ARFGEF3: variants seen among roughly 807,000 people sequenced by gnomAD.
ARFGEF3 encodes ARFGEF family member 3, also known as brefeldin A-inhibited guanine nucleotide-exchange protein 3.
ARFGEF3 carries 96 observed loss-of-function variants against 221.7 expected under a neutral mutation model. That is an observed-to-expected ratio of 0.43 (90% CI 0.37 to 0.51). The LOEUF (loss-of-function observed/expected upper bound fraction) is 0.51. ARFGEF3 is among the 20% of genes least tolerant of loss of function. ARFGEF3 has a pLI of 0.00. For synonymous variants in ARFGEF3, 1,145 were observed against 1,126.8 expected, an observed-to-expected ratio of 1.02 and a Z score of -0.32; for missense variants, 2,410 against 2,789.9, an observed-to-expected ratio of 0.86 and a Z score of 3.07.
In ARFGEF3 at chr6:138,162,231, C is replaced by A; in HGVS notation, c.85+60C>A. On this transcript the variant is annotated intron_variant, in intron 1 of 33. Transcript: ENST00000251691. This position sits in a 1 kb window ranked among gnomAD's most constrained non-coding sequence, Gnocchi z 4.7. ...GGCCGCGCGGCCGGGGCTGAACCCG[C>A]GCCTCCGCGCGTGGGGCTTTCGCGG... 4.6e-6 allele frequency: 6 copies of A among 1,295,528 alleles called. No homozygotes were observed. Among genetic ancestry groups the A allele is most frequent in the Non-Finnish European group, 6.4e-6 (6 of 931,684 alleles). The allele number at this position is 1,295,528 out of a possible 1,614,324, so 80.3% of individuals were successfully genotyped here. A position where few individuals can be genotyped will look rare whatever the true frequency, so the allele number is the denominator to read the frequency against.
At chr6:138,330,725 A>G (rs957970233) in intron 32 of ARFGEF3, among the ~76,000 whole-genome samples, 8 of 152,068 alleles carry the variant, frequency 5.3e-5, no homozygotes, top group Admixed American at 4.6e-4. Context: ...GATTAATATA[A>G]CAATCAATCA....
At chr6:138,260,677 A>T (rs922467335) in intron 10 of ARFGEF3, among the ~76,000 whole-genome samples, 5 of 152,214 alleles carry the variant, frequency 3.3e-5, no homozygotes, top group African/African-American at 1.2e-4. Flanking sequence ...TAAAAGAAGA[A>T]AGTAATTATG....
intron 19 of ARFGEF3, among the ~76,000 whole-genome samples, chr6:138,293,523 G>T (rs973603110): frequency 1.3e-5 from 2 of 152,194 alleles, no homozygotes; most frequent in Non-Finnish European, 2.9e-5. Context: ...CGCCCTGGAG[G>T]GGGGCTTACA....
At chr6:138,326,472 GAC>G (rs921035774) in intron 31 of ARFGEF3, among the ~76,000 whole-genome samples, 1 of 152,100 alleles carries the variant, frequency 6.6e-6, no homozygotes, top group African/African-American at 2.4e-5. Flanking sequence ...GACTTGAACA[GAC>G]ACTTCTCAAA....
At chr6:138,331,302 T>C (rs6909938) in intron 32 of ARFGEF3, among the ~76,000 whole-genome samples, 25,098 of 152,236 alleles carry the variant, frequency 0.16, 3,795 homozygotes, top group African/African-American at 0.41. Context: ...GCCCACTGAG[T>C]CAAAGACATT....
intron 8 of ARFGEF3, among the ~76,000 whole-genome samples, chr6:138,247,744 T>G (rs1362224205): frequency 1.3e-5 from 2 of 152,250 alleles, no homozygotes; most frequent in Non-Finnish European, 2.9e-5. Flanking sequence ...TTTCTTATGA[T>G]AATTACTATA....
chr6:138,221,287 C>T (rs1777979063), intron 4 of ARFGEF3, among the ~76,000 whole-genome samples: 1 of 152,108 alleles, frequency 6.6e-6, no homozygotes, highest in Admixed American at 6.5e-5. Context: ...TCACTCCACA[C>T]CTCATATTTA....
At chr6:138,297,066 A>G in intron 21 of ARFGEF3, 111 bp downstream of exon 21, 1 of 1,247,018 alleles carries the variant, frequency 8.0e-7, no homozygotes. Flanking sequence ...GCCATTGGGC[A>G]GTGGGAACTT....
rs373272536 is a variant in ARFGEF3, at chr6:138,334,279, G to A, written c.5433G>A (p.Ala1811=). The change falls in exon 33 of 34, where the codon GCG becomes GCA. Residue 1811 remains alanine (A), a synonymous_variant. Coordinates refer to ENST00000251691, the MANE Select transcript of ARFGEF3 (RefSeq NM_020340.5). The surrounding 1 kb of genome is among the most constrained non-coding windows in gnomAD (Gnocchi z 5.1). ...CCGCCAACCTCTACCGCCAGTCTGC[G>A]ATGAGCTTTAACATTTATTTCCACG... ...GGAANLYRQS[A]MSFNIYFHAL... The A allele has an allele frequency of 7.7e-5, 125 of 1,613,770 alleles. No homozygotes were observed. In the African/African-American group the frequency reaches 8.8e-4, roughly 11 times the overall value.
In ARFGEF3 at chr6:138,205,183, G is replaced by A. The variant is rs139443563; in HGVS notation, c.138-1859G>A. Among the ~76,000 whole-genome samples, 61 of 152,308 alleles carry A rather than the reference G, an allele frequency of 4.0e-4. 2 individuals carry two copies. The East Asian group carries it at 0.011, about 28-fold the overall frequency. Reference sequence around the variant, plus strand: ...AGGGTCTTTGTTGCTGCTGGACATGGCATCCAATCTTGTTGGGTGCCCTTG... The same window carrying A: ...AGGGTCTTTGTTGCTGCTGGACATGACATCCAATCTTGTTGGGTGCCCTTG... On this transcript the variant is annotated intron_variant, in intron 2 of 33. Coordinates refer to ENST00000251691, the MANE Select transcript of ARFGEF3 (RefSeq NM_020340.5).
At chr6:138,240,830 C>G (rs1349839591) in intron 6 of ARFGEF3, among the ~76,000 whole-genome samples, 3 of 152,054 alleles carry the variant, frequency 2.0e-5, no homozygotes, top group Non-Finnish European at 4.4e-5. Context: ...AAAGTGGAAT[C>G]ATCTATAGGA....
chr6:138,317,832 C>T (rs1295692777), intron 27 of ARFGEF3, among the ~76,000 whole-genome samples: 1 of 152,094 alleles, frequency 6.6e-6, no homozygotes, highest in East Asian at 1.9e-4. Flanking sequence ...GGCAGCAACA[C>T]CCCGTTTGTG....
rs975271809 is a variant in ARFGEF3, at chr6:138,289,707, C to G, written c.2897-111C>G. ...CCTACTGTGGAGGTGCTTGCTGCCA[C>G]TGAAGTCTGTCCTTTCCCTTTTGCC... On this transcript the variant is annotated intron_variant, in intron 17 of 33. Coordinates refer to ENST00000251691, the MANE Select transcript of ARFGEF3 (RefSeq NM_020340.5). 1.8e-5 allele frequency: 21 copies of G among 1,187,842 alleles called. No homozygotes were observed. The East Asian group carries it at 2.3e-4, about 13-fold the overall frequency. The allele number at this position is 1,187,842 out of a possible 1,614,324, so 73.6% of individuals were successfully genotyped here.
intron 12 of ARFGEF3, among the ~76,000 whole-genome samples, chr6:138,276,501 T>C (rs1779098799): frequency 6.6e-6 from 1 of 152,066 alleles, no homozygotes; most frequent in Non-Finnish European, 1.5e-5. Context: ...AAATGTCTTT[T>C]AAAAGAAAAG....
chr6:138,263,852 A>G (rs966601412), intron 12 of ARFGEF3, among the ~76,000 whole-genome samples: 2 of 152,238 alleles, frequency 1.3e-5, no homozygotes, highest in African/African-American at 4.8e-5. Context: ...GATGTAAAGT[A>G]AAGAATGAGA....
At chr6:138,282,986 G>A (rs957487931) in intron 14 of ARFGEF3, among the ~76,000 whole-genome samples, 1 of 152,112 alleles carries the variant, frequency 6.6e-6, no homozygotes, top group Non-Finnish European at 1.5e-5. Context: ...GGGAGACAGA[G>A]GTTGCAGTGA....
At chr6:138,188,768 G>T (rs76338350) in intron 2 of ARFGEF3, among the ~76,000 whole-genome samples, 9,661 of 152,270 alleles carry the variant, frequency 0.063, 337 homozygotes, top group Middle Eastern at 0.16. Context: ...TACTTGTTGG[G>T]CAGGTTAATG....
intron 5 of ARFGEF3, 36 bp downstream of exon 5, chr6:138,229,888 GCTGCTTTATCTCTGA>G: frequency 6.4e-7 from 1 of 1,554,846 alleles, no homozygotes; most frequent in Non-Finnish European, 8.9e-7. Context: ...CCTGTTCACA[GCTGCTTTATCTCTGA>G]CTGGGATAAA....
chr6:138,332,708 G>A (rs892802804), intron 32 of ARFGEF3, among the ~76,000 whole-genome samples: 17 of 152,150 alleles, frequency 1.1e-4, no homozygotes, highest in African/African-American at 3.9e-4. Context: ...ACAACATTAT[G>A]AATATACTTA....
Sources: gnomAD v4.1 joint callset for allele counts (sites outside exome capture counted in the v4.1 genomes callset) on GRCh38, gnomAD v4.1.1 for gene constraint, Gnocchi (gnomAD v3.1) non-coding constraint, MANE v1.5 for transcripts, NCBI Gene and HGNC (gene_info 2026-07-23, HGNC 2026-07-21) for gene names.